CPNE8: variants seen among roughly 807,000 people sequenced by gnomAD.
CPNE8 encodes copine-8.
A neutral mutation model predicts 81.5 loss-of-function variants in CPNE8; 45 were observed. The ratio of observed to expected loss-of-function variants is 0.55; its 90% CI spans 0.44 to 0.71. The LOEUF (loss-of-function observed/expected upper bound fraction) is 0.71, where lower values mean the gene tolerates loss of function less well. Ranked by LOEUF, CPNE8 falls within the 30% of genes least tolerant of loss-of-function variation. The pLI, the probability that CPNE8 is intolerant of heterozygous loss-of-function variation, is 0.00. For missense variants in CPNE8, 594 were observed against 672.1 expected, an observed-to-expected ratio of 0.88 and a Z score of 1.28; for synonymous variants, 252 against 226.3, an observed-to-expected ratio of 1.11 and a Z score of -1.02.
intron 16 of CPNE8, among the ~76,000 whole-genome samples, chr12:38,682,016 T>G (rs934783923): frequency 1.3e-5 from 2 of 151,806 alleles, no homozygotes; most frequent in Non-Finnish European, 2.9e-5. Context: ...AGCCAGGAGT[T>G]GGAGACCAGC....
intron 13 of CPNE8, chr12:38,720,535 A>C (rs1009754857): frequency 6.6e-6 from 1 of 152,268 alleles, no homozygotes; most frequent in Admixed American, 6.5e-5. Flanking sequence ...AACTGAAAGA[A>C]ATTTATAACA....
chr12:38,885,491 C>T (rs1017184293), intron 1 of CPNE8, among the ~76,000 whole-genome samples: 4 of 152,090 alleles, frequency 2.6e-5, no homozygotes, highest in Admixed American at 1.3e-4. Context: ...TTGTAAGTTA[C>T]AGAAGAAAAG....
intron 6 of CPNE8, among the ~76,000 whole-genome samples, chr12:38,827,237 T>C (rs894876477): frequency 2.7e-5 from 4 of 149,202 alleles, no homozygotes; most frequent in Admixed American, 6.7e-5. Context: ...ACATCACTAA[T>C]CATTAGAGAA....
intron 19 of CPNE8, among the ~76,000 whole-genome samples, chr12:38,662,691 G>A (rs181657709): frequency 1.4e-4 from 22 of 152,114 alleles, no homozygotes; most frequent in African/African-American, 5.1e-4. Context: ...AAGCAATTCT[G>A]AGCCACAAGA....
intron 3 of CPNE8, among the ~76,000 whole-genome samples, chr12:38,849,099 C>T (rs559734123): frequency 1.6e-4 from 25 of 152,182 alleles, no homozygotes; most frequent in Non-Finnish European, 3.1e-4. Context: ...TATACAATGC[C>T]GTTTATTAGC....
At chr12:38,765,627 G>A (rs767387082) in intron 8 of CPNE8, among the ~76,000 whole-genome samples, 20 of 152,086 alleles carry the variant, frequency 1.3e-4, no homozygotes, top group Non-Finnish European at 2.6e-4. Context: ...AAAGTGAGGC[G>A]TAAAAGCATC....
At position 38,654,058 on chromosome 12, in the gene CPNE8, T is replaced by C. The variant is rs764080635; in HGVS notation, c.1519A>G (p.Arg507Gly). The C allele has an allele frequency of 1.2e-6, 2 of 1,602,284 alleles. No individual in the cohort carries two copies. Among genetic ancestry groups the C allele is most frequent in the South Asian group, 1.1e-5 (1 of 89,006 alleles). The change falls in exon 20 of 20, where the codon AGG becomes GGG. Residue 507 changes from arginine to glycine, a missense_variant. Transcript: ENST00000331366. ...TTTCCACTTCTGTCAATATAATCCC[T>C]GAATGGCACAAACTAAAACAGAGAC... ...ERDIVQFVPF[R>G]DYIDRSGNHI... is the part of the protein sequence containing the mutation.
At chr12:38,715,123 T>C (rs2136719741) in intron 13 of CPNE8, among the ~76,000 whole-genome samples, 1 of 152,232 alleles carries the variant, frequency 6.6e-6, no homozygotes, top group African/African-American at 2.4e-5. Context: ...TAAATTGCAA[T>C]TCAATAAGTT....
intron 1 of CPNE8, among the ~76,000 whole-genome samples, chr12:38,903,539 G>T (rs1007935245): frequency 6.6e-6 from 1 of 152,200 alleles, no homozygotes; most frequent in Non-Finnish European, 1.5e-5. Context: ...CTGGCAGAAT[G>T]ACCAGTTTAG....
intron 14 of CPNE8, among the ~76,000 whole-genome samples, chr12:38,698,273 A>C (rs1939846282): frequency 1.3e-5 from 2 of 152,166 alleles, no homozygotes; most frequent in Admixed American, 1.3e-4. Context: ...CTTTTTATTG[A>C]ATTGTAAGTT....
chr12:38,767,773 G>A, intron 7 of CPNE8, 35 bp from the exon 8 acceptor site: 1 of 1,339,608 alleles, frequency 7.5e-7, no homozygotes. Context: ...TTCAAGATTT[G>A]GGCTATAAAT....
intron 3 of CPNE8, among the ~76,000 whole-genome samples, chr12:38,865,447 C>G (rs1943900423): frequency 6.6e-6 from 1 of 152,194 alleles, no homozygotes; most frequent in African/African-American, 2.4e-5. Context: ...AACCATGCAG[C>G]AACAGGCATG....
rs560116990 is a variant in CPNE8 at position 38,757,265 on chromosome 12, G to C, written c.722+3582C>G. 3.3e-5 allele frequency among the ~76,000 whole-genome samples: 5 copies of C among 151,990 alleles called. No homozygotes were observed. In the South Asian group the frequency reaches 1.0e-3, roughly 32 times the overall value. On this transcript the variant is annotated intron_variant, in intron 10 of 19. Transcript: ENST00000331366. ...ATACAAAAATAAGTAATAGGAAACAGTCTCTGTTGATCATTATGTCATGAA... is the reference window on the plus strand; with the variant it reads ...ATACAAAAATAAGTAATAGGAAACACTCTCTGTTGATCATTATGTCATGAA...
chr12:38,741,757 T>G (rs567195482), intron 10 of CPNE8, among the ~76,000 whole-genome samples: 4 of 152,152 alleles, frequency 2.6e-5, no homozygotes, highest in African/African-American at 9.6e-5. Context: ...GGGAGAAAAT[T>G]TTTGCAATCT....
At chr12:38,748,233 A>G (rs984669165) in intron 10 of CPNE8, among the ~76,000 whole-genome samples, 14 of 151,618 alleles carry the variant, frequency 9.2e-5, no homozygotes, top group Admixed American at 7.9e-4. Flanking sequence ...CTGGTCTCCA[A>G]TTCCTGACCT....
At chr12:38,815,623 G>A (rs975234475) in intron 6 of CPNE8, among the ~76,000 whole-genome samples, 4 of 152,128 alleles carry the variant, frequency 2.6e-5, no homozygotes, top group African/African-American at 9.7e-5. Context: ...TATGCTCACT[G>A]TTAAAATACA....
chr12:38,759,787 G>A (rs1424364649), intron 10 of CPNE8, among the ~76,000 whole-genome samples: 8 of 152,174 alleles, frequency 5.3e-5, no homozygotes, highest in Admixed American at 5.2e-4. Context: ...ATTGCACAGT[G>A]TGTGTGAGTA....
intron 11 of CPNE8, among the ~76,000 whole-genome samples, chr12:38,725,423 T>G (rs1396467109): frequency 6.6e-6 from 1 of 152,198 alleles, no homozygotes; most frequent in East Asian, 1.9e-4. Context: ...GCCTTTCGAC[T>G]ATTTGATCCA....
chr12:38,902,346 AAG>A (rs1331785403), intron 1 of CPNE8, among the ~76,000 whole-genome samples: 2 of 96,298 alleles, frequency 2.1e-5, no homozygotes, highest in Non-Finnish European at 3.8e-5. Context: ...GAAAGAAAGA[AAG>A]AAAGAAAGAA....
Sources: gnomAD v4.1 joint callset for allele counts (sites outside exome capture counted in the v4.1 genomes callset) on GRCh38, gnomAD v4.1.1 for gene constraint, MANE v1.5 for transcripts, NCBI Gene and HGNC (gene_info 2026-07-23, HGNC 2026-07-21) for gene names.